The following CDH12 variants were observed in gnomAD, a reference collection of about 807,000 sequenced individuals.
CDH12 encodes the protein cadherin 12.
Under a neutral mutation model 74.1 loss-of-function variants are expected in CDH12, and 41 were observed. That is an observed-to-expected ratio of 0.55 (90% CI 0.43 to 0.72). The LOEUF (loss-of-function observed/expected upper bound fraction) is 0.72, where lower values mean the gene tolerates loss of function less well. Ranked by LOEUF, CDH12 falls within the 30% of genes least tolerant of loss-of-function variation. CDH12 has a pLI of 0.00. For missense variants in CDH12, 945 were observed against 977.2 expected (o/e 0.97, Z 0.44); for synonymous variants, 399 against 355.0 (o/e 1.12, Z -1.39).
intron 4 of CDH12, among the ~76,000 whole-genome samples, chr5:22,094,072 C>G (rs1176862965): frequency 1.3e-5 from 2 of 152,172 alleles, no homozygotes; most frequent in Non-Finnish European, 2.9e-5. Flanking sequence ...TAGAAACCAT[C>G]TGGGCTGGAA....
At chr5:22,666,751 T>C (rs1270911169) in intron 1 of CDH12, among the ~76,000 whole-genome samples, 1 of 152,196 alleles carries the variant, frequency 6.6e-6, no homozygotes, top group Non-Finnish European at 1.5e-5. Flanking sequence ...ATTGTGTCCA[T>C]AAAAACTACC....
chr5:22,824,714 TAATA>T (rs1335536695), intron 1 of CDH12, among the ~76,000 whole-genome samples: 3 of 151,718 alleles, frequency 2.0e-5, no homozygotes, highest in African/African-American at 7.2e-5. Flanking sequence ...TGCAAATATT[TAATA>T]AATAAAAATT....
chr5:22,712,507 A>G (rs925402238), intron 1 of CDH12, among the ~76,000 whole-genome samples: 5 of 151,926 alleles, frequency 3.3e-5, no homozygotes, highest in African/African-American at 1.2e-4. Flanking sequence ...CTATAGGATA[A>G]CCTGATGAAA....
rs56077799 is a variant in CDH12, at chr5:22,526,998, C to G, written c.-522-21634G>C. Among the ~76,000 whole-genome samples the G allele has an allele frequency of 2.2e-3, 336 of 152,172 alleles. 1 individual carries two copies. Among genetic ancestry groups the G allele is most frequent in the African/African-American group, 7.8e-3 (322 of 41,520 alleles). On this transcript the variant is annotated intron_variant, in intron 1 of 14. Transcript: ENST00000382254. The stretch of plus-strand genomic sequence containing the variant: ...ATAAGGTGAACTTGAGCAAAAACTC[C>G]ATTGATCCTCTAGCCTCCATAAGCT...
At chr5:22,449,059 C>CATAT (rs745534535) in intron 2 of CDH12, among the ~76,000 whole-genome samples, 3 of 147,788 alleles carry the variant, frequency 2.0e-5, no homozygotes, top group Admixed American at 1.4e-4. Flanking sequence ...CAGTTTATCT[C>CATAT]ATATATATAT....
chr5:22,663,570 CA>C (rs1740455432), intron 1 of CDH12, among the ~76,000 whole-genome samples: 1 of 152,128 alleles, frequency 6.6e-6, no homozygotes, highest in Non-Finnish European at 1.5e-5. Flanking sequence ...TTACTCTTTA[CA>C]AACAAAAGTA....
At chr5:22,386,183 C>T (rs1741991663) in intron 3 of CDH12, among the ~76,000 whole-genome samples, 1 of 152,040 alleles carries the variant, frequency 6.6e-6, no homozygotes, top group Non-Finnish European at 1.5e-5. Flanking sequence ...TGAGCCACTG[C>T]GCCCGGCCGG....
intron 1 of CDH12, among the ~76,000 whole-genome samples, chr5:22,559,281 A>T (rs1455347208): frequency 6.6e-6 from 1 of 152,116 alleles, no homozygotes; most frequent in African/African-American, 2.4e-5. Flanking sequence ...ATGAATATAA[A>T]TATATTTATT....
intron 4 of CDH12, among the ~76,000 whole-genome samples, chr5:22,186,232 T>G (rs1403544962): frequency 6.6e-6 from 1 of 152,148 alleles, no homozygotes; most frequent in Non-Finnish European, 1.5e-5. Flanking sequence ...ATATGAAGAA[T>G]TTTTTAAAAA....
intron 9 of CDH12, among the ~76,000 whole-genome samples, chr5:21,814,945 A>G (rs1449593459): frequency 6.6e-6 from 1 of 151,982 alleles, no homozygotes; most frequent in East Asian, 1.9e-4. Context: ...AATAACAATG[A>G]AGGAGTAAAG....
chr5:21,808,061 T>C (rs1215611735), intron 9 of CDH12, among the ~76,000 whole-genome samples: 1 of 152,064 alleles, frequency 6.6e-6, no homozygotes, highest in African/African-American at 2.4e-5. Context: ...AACTGAAACC[T>C]GATATTTGGC....
intron 6 of CDH12, among the ~76,000 whole-genome samples, chr5:21,930,849 C>T (rs1754803558): frequency 6.6e-6 from 1 of 152,118 alleles, no homozygotes; most frequent in African/African-American, 2.4e-5. Flanking sequence ...AAGTAGTTAA[C>T]ATTACCATCA....
rs566456038 is a variant in CDH12 at position 22,149,126 on chromosome 5, A to G, written c.-187+63372T>C. Among the ~76,000 whole-genome samples, 8 of 152,274 alleles carry G rather than the reference A, an allele frequency of 5.3e-5. No individual in the cohort carries two copies. The East Asian group carries it at 1.6e-3, about 30-fold the overall frequency. On this transcript the variant is annotated intron_variant, in intron 4 of 14. Transcript: ENST00000382254. ...AGCAAGACTCCGTCTCAAAAAATAAATAAACAAAAGATACTAATCATTGAA... is the reference window on the plus strand; with the variant it reads ...AGCAAGACTCCGTCTCAAAAAATAAGTAAACAAAAGATACTAATCATTGAA...
chr5:22,127,292 A>C (rs910340781), intron 4 of CDH12, among the ~76,000 whole-genome samples: 1 of 152,078 alleles, frequency 6.6e-6, no homozygotes, highest in African/African-American at 2.4e-5. Flanking sequence ...AGCCTGGCCA[A>C]CATGGTGAAA....
At position 22,403,560 on chromosome 5, in the gene CDH12, A is replaced by G. The variant is rs577589222; in HGVS notation, c.-333+1697T>C. 2.0e-5 allele frequency among the ~76,000 whole-genome samples: 3 copies of G among 152,348 alleles called. No homozygotes were observed. The South Asian group carries it at 6.2e-4, about 32-fold the overall frequency. ...AATCCTTGCAGGAGCTGTAGCATGA[A>G]TATGACCAGTATACAAACCATAATA... On this transcript the variant is annotated intron_variant, in intron 3 of 14. Transcript: ENST00000382254.
chr5:22,317,529 T>C (rs1168759291), intron 3 of CDH12, among the ~76,000 whole-genome samples: 1 of 152,066 alleles, frequency 6.6e-6, no homozygotes, highest in Non-Finnish European at 1.5e-5. Context: ...AAAGACAAAG[T>C]GATAGAATGT....
At chr5:22,097,370 C>T (rs2150245540) in intron 4 of CDH12, among the ~76,000 whole-genome samples, 1 of 152,236 alleles carries the variant, frequency 6.6e-6, no homozygotes, top group South Asian at 2.1e-4. Context: ...GGATGCTGAG[C>T]TTCAAGTAAC....
chr5:22,329,864 G>A (rs1162902699), intron 3 of CDH12, among the ~76,000 whole-genome samples: 1 of 152,188 alleles, frequency 6.6e-6, no homozygotes, highest in Non-Finnish European at 1.5e-5. Context: ...GTTCTTGGCA[G>A]GCCCTGCCAC....
At chr5:22,020,475 A>T (rs1211068275) in intron 5 of CDH12, among the ~76,000 whole-genome samples, 1 of 150,742 alleles carries the variant, frequency 6.6e-6, no homozygotes, top group Non-Finnish European at 1.5e-5. Context: ...AATCGCTTGA[A>T]CCCAGGAGGC....
Sources: gnomAD v4.1 joint callset for allele counts (sites outside exome capture counted in the v4.1 genomes callset) on GRCh38, gnomAD v4.1.1 for gene constraint, MANE v1.5 for transcripts, NCBI Gene and HGNC (gene_info 2026-07-23, HGNC 2026-07-21) for gene names.